Variants in PXN observed in about 807,000 individuals in gnomAD.
PXN encodes the protein paxillin.
In PXN, 61 loss-of-function variants were observed where a neutral mutation model predicts 103.6. The observed-to-expected ratio is 0.59, with a 90% confidence interval of 0.48 to 0.73. PXN has a LOEUF of 0.73. PXN is among the 30% of genes least tolerant of loss of function. The probability of loss-of-function intolerance (pLI) is 0.00; values close to 1 mark genes in which losing one functional copy is unlikely to be tolerated. For missense variants in PXN, 1,274 were observed against 1,460.3 expected, an observed-to-expected ratio of 0.87 and a Z score of 2.08; for synonymous variants, 562 against 607.8, an observed-to-expected ratio of 0.92 and a Z score of 1.11.
intron 1 of PXN, among the ~76,000 whole-genome samples, chr12:120,262,163 C>G (rs150346524): frequency 7.2e-5 from 11 of 152,182 alleles, no homozygotes; most frequent in Non-Finnish European, 1.2e-4. Context: ...CCTCTGCCCC[C>G]CTAGCACTAC....
At position 120,212,460 on chromosome 12, in the gene PXN, CG is replaced by C; in HGVS notation, c.3099del (p.Gly1034AlafsTer70). On this transcript the variant is annotated frameshift_variant, in exon 15 of 15. Coordinates refer to ENST00000637617, the MANE Select transcript of PXN (RefSeq NM_001385981.1). LOFTEE classifies it high-confidence loss of function. The surrounding 1 kb of genome is among the most constrained non-coding windows in gnomAD (Gnocchi z 7.2). ...TTGGCCATGGCGGTGATGCAGCGGC[CG>C]GTGATGGGCTTCTGGCAGCCAGAAC... ...SLCSGCQKPI[T>X]GRCITAMAKK... 1 of 1,613,982 alleles carries C rather than the reference CG, an allele frequency of 6.2e-7. No individual in the cohort carries two copies. The highest frequency in any genetic ancestry group is 8.5e-7 in the Non-Finnish European group (1 of 1,179,886).
chr12:120,226,834 C>G (rs751410166), intron 1 of PXN: 25 of 1,012,748 alleles, frequency 2.5e-5, no homozygotes, highest in African/African-American at 3.4e-5. Context: ...TTGAATAACT[C>G]TGACCTCAAA....
rs1249975822 is a variant in PXN at position 120,220,128 on chromosome 12, G to C, written c.832-37C>G. On this transcript the variant is annotated intron_variant, in intron 6 of 14. Transcript: ENST00000637617. This position sits in a 1 kb window ranked among gnomAD's most constrained non-coding sequence, Gnocchi z 6.1. ...AGAAATGCAGAGGGGAGAGGAGAGA[G>C]AGAGATGAGGGGAGTGAGGACGGCT... The C allele has an allele frequency of 1.3e-5, 11 of 846,540 alleles. No individual in the cohort carries two copies. In the South Asian group the frequency reaches 2.0e-4, roughly 15 times the overall value. 52.4% of individuals were successfully genotyped at this position (846,540 alleles called of 1,614,324 possible). A position where few individuals can be genotyped will look rare whatever the true frequency, so the allele number is the denominator to read the frequency against.
At chr12:120,256,881 C>A (rs1319846941) in intron 1 of PXN, among the ~76,000 whole-genome samples, 1 of 152,076 alleles carries the variant, frequency 6.6e-6, no homozygotes, top group African/African-American at 2.4e-5. Context: ...CCACGCCCAG[C>A]TAATTTTGTA....
Position 120,213,938 on chromosome 12 carries a change from C to T in PXN, c.2883G>A (p.Met961Ile). Residue 961 changes from methionine to isoleucine, a missense_variant, in exon 14 of 15, where the codon ATG (methionine) becomes ATA (isoleucine). Physicochemically the swap from Met to Ile is conservative, Grantham distance 10 (BLOSUM62 1). This residue lies in a region of PXN where 1,178 missense variants were observed against 1,309.0 expected (regional missense o/e 0.90). Transcript: ENST00000637617. The surrounding 1 kb of genome is among the most constrained non-coding windows in gnomAD (Gnocchi z 4.2). ...CGCAGCCGCCACACTTGGGTGCGAA[C>T]ATGTCGAAGTAGTCCTTGCGACAGT... ...KAYCRKDYFD[M>I]FAPKCGGCAR... The T allele has an allele frequency of 6.2e-7, 1 of 1,612,544 alleles. No homozygotes were observed. The highest frequency in any genetic ancestry group is 1.1e-5 in the South Asian group (1 of 90,588).
intron 1 of PXN, among the ~76,000 whole-genome samples, chr12:120,235,301 G>C (rs1266936272): frequency 6.6e-6 from 1 of 152,154 alleles, no homozygotes; most frequent in Non-Finnish European, 1.5e-5. Flanking sequence ...GGGATCCAAA[G>C]ACGGGGCTGC....
At chr12:120,244,627 G>A (rs1298744143) in intron 1 of PXN, among the ~76,000 whole-genome samples, 5 of 148,156 alleles carry the variant, frequency 3.4e-5, no homozygotes, top group African/African-American at 5.0e-5. Context: ...CAGCCTGGAT[G>A]ACAGAGTGAG....
At position 120,217,990 on chromosome 12, in the gene PXN, G is replaced by C. The variant is rs546493800; in HGVS notation, c.1717-874C>G. 2.7e-5 allele frequency among the ~76,000 whole-genome samples: 4 copies of C among 150,772 alleles called. No homozygotes were observed. The highest frequency in any genetic ancestry group is 5.9e-5 in the Non-Finnish European group (4 of 67,772). On this transcript the variant is annotated intron_variant, in intron 7 of 14. Transcript: ENST00000637617. The surrounding 1 kb of genome is among the most constrained non-coding windows in gnomAD (Gnocchi z 4.1). ...TATTATACTTGTTGGTAGTGTTTTG[G>C]GGGTTTTTGGTTGTTTCGTTTTGTT...
chr12:120,246,706 T>C (rs1252296039), intron 1 of PXN, among the ~76,000 whole-genome samples: 1 of 150,112 alleles, frequency 6.7e-6, no homozygotes, highest in East Asian at 2.0e-4. Context: ...TACAAAAAAA[T>C]TAGCTAGGCA....
intron 1 of PXN, among the ~76,000 whole-genome samples, chr12:120,262,628 T>C (rs1313274478): frequency 3.3e-5 from 5 of 152,242 alleles, no homozygotes; most frequent in African/African-American, 1.2e-4. Flanking sequence ...CTGTCTCCCA[T>C]GAAGCGCACA....
At chr12:120,245,143 G>A (rs1394766585) in intron 1 of PXN, among the ~76,000 whole-genome samples, 1 of 152,074 alleles carries the variant, frequency 6.6e-6, no homozygotes, top group Non-Finnish European at 1.5e-5. Flanking sequence ...GCAGCCCCAG[G>A]CCCTGCAGAT....
chr12:120,248,060 G>C (rs1436690176), intron 1 of PXN, among the ~76,000 whole-genome samples: 1 of 152,188 alleles, frequency 6.6e-6, no homozygotes, highest in African/African-American at 2.4e-5. Context: ...CACAATCCTA[G>C]TTGGAAACTG....
At chr12:120,260,154 C>T (rs1269327885) in intron 1 of PXN, among the ~76,000 whole-genome samples, 3 of 152,108 alleles carry the variant, frequency 2.0e-5, no homozygotes, top group African/African-American at 7.2e-5. Flanking sequence ...TTGGGGCCTC[C>T]CCTGGAACAG....
rs1881453439 is a variant in PXN at position 120,213,975 on chromosome 12, T to C, written c.2846A>G (p.Asp949Gly). 6.2e-7 allele frequency: 1 copy of C among 1,612,396 alleles called. No individual in the cohort carries two copies. Among genetic ancestry groups the C allele is most frequent in the Non-Finnish European group, 8.5e-7 (1 of 1,179,408 alleles). Residue 949 changes from aspartate (D) to glycine (G), a missense_variant, in exon 14 of 15, where the codon GAC (aspartate) becomes GGC (glycine). By Grantham distance (94) the Asp-to-Gly change is moderately conservative. This residue lies in a region of PXN where 1,178 missense variants were observed against 1,309.0 expected (regional missense o/e 0.90). Transcript: ENST00000637617. This position sits in a 1 kb window ranked among gnomAD's most constrained non-coding sequence, Gnocchi z 4.2. Reference sequence around the variant, plus strand: ...GTCCTTGCGACAGTAGGCCTTGCCGTCCTTCTCGTGGAACCCTGGGGAGCG... The same window carrying C: ...GTCCTTGCGACAGTAGGCCTTGCCGCCCTTCTCGTGGAACCCTGGGGAGCG... ...FFGPEGFHEK[D>G]GKAYCRKDYF...
rs890635588 is a variant in PXN, at chr12:120,224,768, C to T, written c.14-391G>A. 18 of 481,294 alleles carry T rather than the reference C, an allele frequency of 3.7e-5. No individual in the cohort carries two copies. Among genetic ancestry groups the T allele is most frequent in the African/African-American group, 2.7e-4 (14 of 51,118 alleles). 29.8% of individuals were successfully genotyped at this position (481,294 alleles called of 1,614,324 possible). On this transcript the variant is annotated intron_variant, in intron 1 of 14. Transcript: ENST00000637617. This position sits in a 1 kb window ranked among gnomAD's most constrained non-coding sequence, Gnocchi z 5.0. ...GAGAGAATGGGCGGGAGGGGCCCCA[C>T]GTCACAGGGAGGGGCCCTGGCTATG...
chr12:120,249,938 C>T (rs1891878037), intron 1 of PXN: 1 of 985,320 alleles, frequency 1.0e-6, no homozygotes, highest in Non-Finnish European at 1.2e-6. Context: ...ACTGCACATC[C>T]ACTGCTTGGG....
chr12:120,217,696 C>A lies in PXN; in HGVS notation c.1717-580G>T, dbSNP rs1883658633. Among the ~76,000 whole-genome samples, 1 of 151,994 alleles carries A rather than the reference C, an allele frequency of 6.6e-6. No homozygotes were observed. Among genetic ancestry groups the A allele is most frequent in the Non-Finnish European group, 1.5e-5 (1 of 68,002 alleles). On this transcript the variant is annotated intron_variant, in intron 7 of 14. Coordinates refer to ENST00000637617, the MANE Select transcript of PXN (RefSeq NM_001385981.1). The surrounding 1 kb of genome is among the most constrained non-coding windows in gnomAD (Gnocchi z 4.1). ...CTGGGTTCAAGAGATTCTCCTGCCT[C>A]AGCCTCCTGAGTAGCTGGGATTAAA...
At position 120,228,818 on chromosome 12, in the gene PXN, C is replaced by T. The variant is rs554749852; in HGVS notation, c.14-4441G>A. ...AGCACCGTGTGCGCCCCTATCTGCA[C>T]CCCATGGCTGCACCTGGTCGGAGCA... On this transcript the variant is annotated intron_variant, in intron 1 of 14. Transcript: ENST00000637617. The surrounding 1 kb of genome is among the most constrained non-coding windows in gnomAD (Gnocchi z 4.7). 1.3e-5 allele frequency among the ~76,000 whole-genome samples: 2 copies of T among 152,338 alleles called. No homozygotes were observed. Among genetic ancestry groups the T allele is most frequent in the South Asian group, 2.1e-4 (1 of 4,830 alleles).
intron 1 of PXN, among the ~76,000 whole-genome samples, chr12:120,242,101 C>A (rs1890247798): frequency 6.6e-6 from 1 of 152,022 alleles, no homozygotes; most frequent in Non-Finnish European, 1.5e-5. Context: ...AGGAGTTACA[C>A]CAAGAACAGG....
Sources: gnomAD v4.1 joint callset for allele counts (sites outside exome capture counted in the v4.1 genomes callset) on GRCh38, gnomAD v4.1.1 for gene constraint, gnomAD v4.1.1 regional missense constraint, Gnocchi (gnomAD v3.1) non-coding constraint, MANE v1.5 for transcripts, NCBI Gene and HGNC (gene_info 2026-07-23, HGNC 2026-07-21) for gene names.